Variants in NSD1 observed in about 807,000 individuals in gnomAD.
NSD1 encodes nuclear receptor binding SET domain protein 1, also known as histone-lysine N-methyltransferase, H3 lysine-36 specific.
Under a neutral mutation model 242.7 loss-of-function variants are expected in NSD1, and 26 were observed. The ratio of observed to expected loss-of-function variants is 0.11; its 90% CI spans 0.08 to 0.15. NSD1 has a LOEUF of 0.15. NSD1 is among the 10% of genes least tolerant of loss of function. The pLI, the probability that NSD1 is intolerant of heterozygous loss-of-function variation, is 1.00. For synonymous variants in NSD1, 1,106 were observed against 1,178.1 expected (o/e 0.94, Z 1.25); for missense variants, 2,495 against 3,272.8 (o/e 0.76, Z 5.80).
chr5:177,193,312 T>A (rs1487292867), intron 3 of NSD1, among the ~76,000 whole-genome samples: 1 of 152,008 alleles, frequency 6.6e-6, no homozygotes, highest in Non-Finnish European at 1.5e-5. Context: ...GGCTAATTTT[T>A]TTGGTATTTT....
intron 2 of NSD1, among the ~76,000 whole-genome samples, chr5:177,149,065 CA>C (rs1757488199): frequency 6.6e-6 from 1 of 152,026 alleles, no homozygotes; most frequent in Admixed American, 6.6e-5. Flanking sequence ...GTAATCCACC[CA>C]TCTTGGCTTC....
At chr5:177,148,192 G>C (rs995410361) in intron 2 of NSD1, among the ~76,000 whole-genome samples, 4 of 150,434 alleles carry the variant, frequency 2.7e-5, no homozygotes, top group African/African-American at 9.8e-5. Flanking sequence ...ATCTTGGCTC[G>C]CTGCAACCTC....
rs542715002 is a variant in NSD1, at chr5:177,164,978, A to G, written c.928-26906A>G. Among the ~76,000 whole-genome samples the G allele has an allele frequency of 1.9e-4, 29 of 151,794 alleles. 1 individual carries two copies. The South Asian group carries it at 5.6e-3, about 29-fold the overall frequency. ...AAAAAAAAAGAGGTAAAATTTAAAT[A>G]ACTTAAGGCTGATTGTATTGGCTTA... On this transcript the variant is annotated intron_variant, in intron 2 of 22. Coordinates refer to ENST00000439151, the MANE Select transcript of NSD1 (RefSeq NM_022455.5).
chr5:177,251,035 C>A (rs1006550374), intron 11 of NSD1, among the ~76,000 whole-genome samples: 8 of 152,044 alleles, frequency 5.3e-5, no homozygotes, highest in African/African-American at 1.9e-4. Context: ...ACTAGAAATA[C>A]AAAAATTAGC....
At chr5:177,145,424 C>G (rs576850645) in intron 2 of NSD1, among the ~76,000 whole-genome samples, 1 of 151,976 alleles carries the variant, frequency 6.6e-6, no homozygotes, top group East Asian at 1.9e-4. Flanking sequence ...GACTACAGGC[C>G]CATGCCACCA....
intron 2 of NSD1, among the ~76,000 whole-genome samples, chr5:177,151,001 T>C (rs1027797572): frequency 2.0e-5 from 3 of 152,244 alleles, no homozygotes; most frequent in Non-Finnish European, 4.4e-5. Context: ...TTTAACGTTA[T>C]AGTTGGTTCA....
At chr5:177,223,268 G>A (rs1764380415) in intron 5 of NSD1, among the ~76,000 whole-genome samples, 1 of 151,658 alleles carries the variant, frequency 6.6e-6, no homozygotes, top group African/African-American at 2.4e-5. Context: ...TTTTAAGAGA[G>A]CCAGTCTAGG....
At chr5:177,175,451 C>A (rs924197927) in intron 2 of NSD1, among the ~76,000 whole-genome samples, 3 of 151,870 alleles carry the variant, frequency 2.0e-5, no homozygotes, top group Non-Finnish European at 4.4e-5. Flanking sequence ...CATGGCAAAA[C>A]CTCATCTCTA....
chr5:177,207,923 C>CGT (rs142847055), intron 4 of NSD1, among the ~76,000 whole-genome samples: 62 of 146,100 alleles, frequency 4.2e-4, no homozygotes, highest in African/African-American at 1.3e-3. Flanking sequence ...TGTGTGTGTG[C>CGT]GTGTGTGTGT....
chr5:177,214,403 T>C (rs543828035), intron 5 of NSD1, among the ~76,000 whole-genome samples: 3 of 152,294 alleles, frequency 2.0e-5, no homozygotes, highest in African/African-American at 7.2e-5. Flanking sequence ...TCATGAATCA[T>C]GTACATGTAC....
intron 2 of NSD1, among the ~76,000 whole-genome samples, chr5:177,162,691 T>G (rs1207168153): frequency 2.0e-5 from 3 of 152,016 alleles, no homozygotes; most frequent in Non-Finnish European, 2.9e-5. Flanking sequence ...CCATTATAGC[T>G]TTTTTGAGGC....
chr5:177,235,257 A>AT (rs1406805956), intron 5 of NSD1, among the ~76,000 whole-genome samples: 1 of 152,360 alleles, frequency 6.6e-6, no homozygotes, highest in East Asian at 1.9e-4. Context: ...TAGAAAATAA[A>AT]TATTTTGTAA....
intron 2 of NSD1, among the ~76,000 whole-genome samples, chr5:177,171,288 A>T (rs1017885511): frequency 6.6e-6 from 1 of 152,000 alleles, no homozygotes; most frequent in African/African-American, 2.4e-5. Context: ...GCCTGGCGAC[A>T]GAGCGAGACT....
intron 5 of NSD1, among the ~76,000 whole-genome samples, chr5:177,213,523 C>T (rs1039138484): frequency 1.3e-5 from 2 of 151,946 alleles, no homozygotes; most frequent in Non-Finnish European, 2.9e-5. Context: ...GCTGGAGTGC[C>T]GTGGCGTGAT....
intron 12 of NSD1, 147 bp from the exon 13 acceptor site, chr5:177,256,804 A>G: frequency 1.5e-6 from 1 of 689,244 alleles, no homozygotes; most frequent in South Asian, 1.7e-5. Context: ...TTGTTCATTT[A>G]TAATAATACT....
At chr5:177,151,597 C>T (rs1484952182) in intron 2 of NSD1, among the ~76,000 whole-genome samples, 3 of 151,736 alleles carry the variant, frequency 2.0e-5, no homozygotes, top group African/African-American at 7.3e-5. Context: ...CCATGTTGGT[C>T]AGACTTGTCT....
rs151263695 is a variant in NSD1 at position 177,137,004 on chromosome 5, C to T, written c.927+974C>T. 2.0e-5 allele frequency: 12 copies of T among 602,816 alleles called. No homozygotes were observed. The African/African-American group carries it at 2.2e-4, about 11-fold the overall frequency. The allele number at this position is 602,816 out of a possible 1,614,324, so 37.3% of individuals were successfully genotyped here. A position where few individuals can be genotyped will look rare whatever the true frequency, so the allele number is the denominator to read the frequency against. ...GTGTATGTGTGATATGTATATATTCCGTGTGTATAGAAATGGAGAGTATCT... is the reference window on the plus strand; with the variant it reads ...GTGTATGTGTGATATGTATATATTCTGTGTGTATAGAAATGGAGAGTATCT... On this transcript the variant is annotated intron_variant, in intron 2 of 22. Transcript: ENST00000439151.
At chr5:177,249,937 T>C (rs1394221244) in intron 11 of NSD1, among the ~76,000 whole-genome samples, 3 of 152,156 alleles carry the variant, frequency 2.0e-5, no homozygotes, top group African/African-American at 7.2e-5. Context: ...AATACAAAAA[T>C]TAGCCAGGCA....
In NSD1 at chr5:177,156,994, A is replaced by G. The variant is rs549581082; in HGVS notation, c.927+20964A>G. Among the ~76,000 whole-genome samples the G allele has an allele frequency of 2.0e-5, 3 of 152,286 alleles. No individual in the cohort carries two copies. In the South Asian group the frequency reaches 6.2e-4, roughly 32 times the overall value. On this transcript the variant is annotated intron_variant, in intron 2 of 22. Coordinates refer to ENST00000439151, the MANE Select transcript of NSD1 (RefSeq NM_022455.5). ...TCTAAATAAATAAATAAATAAATAAATGTATACTAACTGCATTAGCAAGAC... is the reference window on the plus strand; with the variant it reads ...TCTAAATAAATAAATAAATAAATAAGTGTATACTAACTGCATTAGCAAGAC...
Sources: gnomAD v4.1 joint callset for allele counts (sites outside exome capture counted in the v4.1 genomes callset) on GRCh38, gnomAD v4.1.1 for gene constraint, MANE v1.5 for transcripts, NCBI Gene and HGNC (gene_info 2026-07-23, HGNC 2026-07-21) for gene names.